ERC2: variants seen among roughly 807,000 people sequenced by gnomAD.
ERC2 encodes ERC protein 2.
ERC2 carries 42 observed loss-of-function variants against 114.8 expected under a neutral mutation model. That is an observed-to-expected ratio of 0.37 (90% confidence interval 0.29 to 0.47). The LOEUF (loss-of-function observed/expected upper bound fraction) is 0.47, where lower values mean the gene tolerates loss of function less well. Among genes scored for constraint, ERC2 ranks in the 20% least tolerant of loss-of-function variants. The probability of loss-of-function intolerance (pLI) is 0.99; values close to 1 mark genes in which losing one functional copy is unlikely to be tolerated. For synonymous variants in ERC2, 454 were observed against 425.5 expected, an observed-to-expected ratio of 1.07 and a Z score of -0.82; for missense variants, 939 against 1,150.7, an observed-to-expected ratio of 0.82 and a Z score of 2.66.
At chr3:56,332,648 T>A (rs1366285297) in intron 2 of ERC2, among the ~76,000 whole-genome samples, 3 of 152,222 alleles carry the variant, frequency 2.0e-5, no homozygotes, top group Non-Finnish European at 4.4e-5. Context: ...AGTTTCACAC[T>A]AGAGCCACAC....
intron 7 of ERC2, among the ~76,000 whole-genome samples, chr3:56,071,196 G>A (rs1198046836): frequency 6.6e-6 from 1 of 152,224 alleles, no homozygotes. Flanking sequence ...CTATTGGATG[G>A]CTGGACAGCA....
At chr3:56,396,814 G>A (rs891805607) in intron 2 of ERC2, among the ~76,000 whole-genome samples, 7 of 152,110 alleles carry the variant, frequency 4.6e-5, no homozygotes, top group Non-Finnish European at 8.8e-5. Context: ...ATGGGGAGGA[G>A]GGTGGACAGG....
At chr3:56,236,098 G>A (rs1483423056) in intron 3 of ERC2, among the ~76,000 whole-genome samples, 1 of 152,062 alleles carries the variant, frequency 6.6e-6, no homozygotes, top group African/African-American at 2.4e-5. Context: ...AAGTTATTCA[G>A]GCAACAAAAA....
rs2066084440 is a variant in ERC2 at position 55,931,484 on chromosome 3, C to G, written c.2403+18941G>C. On this transcript the variant is annotated intron_variant, in intron 13 of 17. Coordinates refer to ENST00000288221, the MANE Select transcript of ERC2 (RefSeq NM_015576.3). ...GGATGAAGCTGGAAACGATCATTCT[C>G]AGCAAACTAACACAGGAACAGAAAA... 2.0e-5 allele frequency among the ~76,000 whole-genome samples: 3 copies of G among 152,140 alleles called. No individual in the cohort carries two copies. The South Asian group carries it at 6.2e-4, about 31-fold the overall frequency.
At chr3:55,672,314 C>T (rs946659438) in intron 17 of ERC2, among the ~76,000 whole-genome samples, 4 of 144,946 alleles carry the variant, frequency 2.8e-5, no homozygotes, top group Non-Finnish European at 6.0e-5. Context: ...ACTCCAGCCT[C>T]GGTGACAGAG....
At chr3:55,788,373 G>A (rs1024676433) in intron 14 of ERC2, among the ~76,000 whole-genome samples, 2 of 152,162 alleles carry the variant, frequency 1.3e-5, no homozygotes, top group African/African-American at 2.4e-5. Context: ...TGCTAGGAAA[G>A]GGCCTATGAA....
chr3:55,510,149 C>T lies in ERC2; in HGVS notation c.*1167G>A, dbSNP rs2051979812. ...TTTAAATAATGACTGTATCCACATA[C>T]ATGTTGTGTAGAGCTATATACAGAG... is the stretch of plus-strand genomic sequence containing the variant. On this transcript the variant is annotated 3_prime_UTR_variant, in exon 18 of 18. Coordinates refer to ENST00000288221, the MANE Select transcript of ERC2 (RefSeq NM_015576.3). The T allele has an allele frequency of 6.6e-6, 1 of 152,264 alleles. No individual in the cohort carries two copies. The highest frequency in any genetic ancestry group is 2.1e-4 in the South Asian group (1 of 4,816). The allele number at this position is 152,264 out of a possible 1,614,324, so 9.4% of individuals were successfully genotyped here. A position where few individuals can be genotyped will look rare whatever the true frequency, so the allele number is the denominator to read the frequency against.
intron 17 of ERC2, among the ~76,000 whole-genome samples, chr3:55,623,691 CT>C (rs2059405856): frequency 1.3e-5 from 2 of 152,170 alleles, no homozygotes; most frequent in South Asian, 2.1e-4. Context: ...TACCCCTGCT[CT>C]GTTTAAAATA....
At chr3:56,436,587 C>T (rs946655771) in intron 1 of ERC2, among the ~76,000 whole-genome samples, 2 of 152,096 alleles carry the variant, frequency 1.3e-5, no homozygotes, top group East Asian at 1.9e-4. Flanking sequence ...AGGTTGACTC[C>T]CTTCACTCCA....
At chr3:56,007,887 G>A (rs1414168277) in intron 9 of ERC2, among the ~76,000 whole-genome samples, 1 of 151,974 alleles carries the variant, frequency 6.6e-6, no homozygotes, top group Admixed American at 6.6e-5. Context: ...TGCGTCCTTT[G>A]CAATCTAGAT....
At chr3:55,539,415 C>CTTTCTTTTTTTTTTTT (rs2054227982) in intron 17 of ERC2, among the ~76,000 whole-genome samples, 3 of 39,090 alleles carry the variant, frequency 7.7e-5, no homozygotes, top group Non-Finnish European at 1.4e-4. Flanking sequence ...TTTTTTCTTT[C>CTTTCTTTTTTTTTTTT]TTTTTTTTTT....
chr3:56,433,192 AAGAG>A (rs35806370), intron 2 of ERC2, among the ~76,000 whole-genome samples: 119,910 of 137,586 alleles, frequency 0.87, 51,818 homozygotes, highest in East Asian at 0.93. Flanking sequence ...AAAAAAAAAA[AAGAG>A]AGAGAGAGAG....
At chr3:55,885,559 TAAGC>T (rs925345571) in intron 14 of ERC2, among the ~76,000 whole-genome samples, 1 of 152,226 alleles carries the variant, frequency 6.6e-6, no homozygotes, top group Non-Finnish European at 1.5e-5. Context: ...GGCAGCAGAT[TAAGC>T]ACTTCAGCAA....
At chr3:55,699,108 C>A (rs2063092004) in intron 16 of ERC2, among the ~76,000 whole-genome samples, 1 of 151,914 alleles carries the variant, frequency 6.6e-6, no homozygotes, top group East Asian at 1.9e-4. Context: ...AGATACCGAG[C>A]CAGCAATAGA....
chr3:55,908,674 T>G (rs2064615330), intron 13 of ERC2, among the ~76,000 whole-genome samples: 1 of 152,166 alleles, frequency 6.6e-6, no homozygotes. Context: ...TGCTATAAAC[T>G]GAGCTCATGA....
In ERC2 at chr3:56,134,679, ATAAACACAAAACCCCTGCATTCTTTGTT is replaced by A. The variant is rs1308645956; in HGVS notation, c.1473+4802_1473+4829del. 3.3e-5 allele frequency among the ~76,000 whole-genome samples: 5 copies of A among 152,264 alleles called. No homozygotes were observed. The East Asian group carries it at 9.7e-4, about 29-fold the overall frequency. On this transcript the variant is annotated intron_variant, in intron 6 of 17. Coordinates refer to ENST00000288221, the MANE Select transcript of ERC2 (RefSeq NM_015576.3). ...CTGCCACTATGTTGCCCTTGCCTGC[ATAAACACAAAACCCCTGCATTCTTTGTT>A]AATGAACGGGTTCTCAAGTGTTTAC... is the stretch of plus-strand genomic sequence containing the variant.
At chr3:55,689,785 G>A (rs1205088815) in intron 16 of ERC2, among the ~76,000 whole-genome samples, 2 of 148,064 alleles carry the variant, frequency 1.4e-5, no homozygotes, top group African/African-American at 5.0e-5. Flanking sequence ...CAACAAGAGC[G>A]AGACTCCGTC....
intron 17 of ERC2, among the ~76,000 whole-genome samples, chr3:55,527,611 G>A (rs2053412419): frequency 6.6e-6 from 1 of 152,116 alleles, no homozygotes; most frequent in African/African-American, 2.4e-5. Context: ...AAGTAACTTA[G>A]GCAAACACTT....
At chr3:56,042,704 T>C (rs2075259306) in intron 7 of ERC2, among the ~76,000 whole-genome samples, 1 of 151,970 alleles carries the variant, frequency 6.6e-6, no homozygotes, top group African/African-American at 2.4e-5. Flanking sequence ...ATGAATAAGG[T>C]ACTCTAAAAT....
Sources: gnomAD v4.1 joint callset for allele counts (sites outside exome capture counted in the v4.1 genomes callset) on GRCh38, gnomAD v4.1.1 for gene constraint, MANE v1.5 for transcripts, NCBI Gene and HGNC (gene_info 2026-07-23, HGNC 2026-07-21) for gene names.